The following ATP2B2 variants were observed in gnomAD, a reference collection of about 807,000 sequenced individuals.
The protein encoded by ATP2B2 is ATPase plasma membrane Ca2+ transporting 2, also known as plasma membrane calcium-transporting ATPase 2.
In ATP2B2, 15 loss-of-function variants were observed where a neutral mutation model predicts 120.0. The ratio of observed to expected loss-of-function variants is 0.12; its 90% confidence interval spans 0.08 to 0.19. The LOEUF is 0.19. ATP2B2 is among the 10% of genes least tolerant of loss of function. ATP2B2 has a pLI of 1.00. For synonymous variants in ATP2B2, 694 were observed against 700.3 expected (o/e 0.99, Z 0.14); for missense variants, 1,045 against 1,719.8 (o/e 0.61, Z 6.94).
chr3:10,702,069 T>G (rs532661747), intron 1 of ATP2B2, among the ~76,000 whole-genome samples: 1 of 152,282 alleles, frequency 6.6e-6, no homozygotes, highest in African/African-American at 2.4e-5. Context: ...AGGAAGTAGC[T>G]GATAGCAACA....
intron 2 of ATP2B2, among the ~76,000 whole-genome samples, chr3:10,593,180 A>G (rs1244757165): frequency 6.6e-6 from 1 of 152,252 alleles, no homozygotes; most frequent in East Asian, 1.9e-4. Flanking sequence ...TTTTAAAAGA[A>G]AATGAAAGGG....
At chr3:10,578,991 T>G (rs919651457) in intron 2 of ATP2B2, among the ~76,000 whole-genome samples, 2 of 152,178 alleles carry the variant, frequency 1.3e-5, no homozygotes, top group East Asian at 3.9e-4. Context: ...TGGTCATGCA[T>G]GTAGAAACAG....
intron 11 of ATP2B2, among the ~76,000 whole-genome samples, chr3:10,373,590 A>G (rs1202138461): frequency 6.6e-6 from 1 of 152,256 alleles, no homozygotes; most frequent in South Asian, 2.1e-4. Context: ...TATAATTTTT[A>G]TAGTGATCAC....
chr3:10,484,099 G>T (rs1304989791), intron 1 of ATP2B2, among the ~76,000 whole-genome samples: 1 of 152,202 alleles, frequency 6.6e-6, no homozygotes, highest in Admixed American at 6.5e-5. Flanking sequence ...CAGCATTGGC[G>T]GGGTGCTGTC....
At chr3:10,629,848 G>A (rs1011310550) in intron 1 of ATP2B2, among the ~76,000 whole-genome samples, 3 of 152,330 alleles carry the variant, frequency 2.0e-5, no homozygotes, top group Non-Finnish European at 2.9e-5. Flanking sequence ...GCCAAGCAAC[G>A]CAAAAGCAGA....
At chr3:10,585,853 T>C (rs1313782691) in intron 2 of ATP2B2, among the ~76,000 whole-genome samples, 3 of 152,194 alleles carry the variant, frequency 2.0e-5, no homozygotes, top group African/African-American at 7.2e-5. Flanking sequence ...AACTAACTTC[T>C]CTATTTGCTT....
At chr3:10,467,413 A>C in intron 1 of ATP2B2, among the ~76,000 whole-genome samples, 1 of 150,990 alleles carries the variant, frequency 6.6e-6, no homozygotes, top group Non-Finnish European at 1.5e-5. Context: ...TGCTAACCCC[A>C]CTCTCCGGGC....
rs1213285047 is a variant in ATP2B2 at position 10,654,576 on chromosome 3, G to A, written c.-459-34615C>T. 3.9e-5 allele frequency among the ~76,000 whole-genome samples: 6 copies of A among 152,124 alleles called. No individual in the cohort carries two copies. In the East Asian group the frequency reaches 1.2e-3, roughly 29 times the overall value. On this transcript the variant is annotated intron_variant, in intron 1 of 21. Coordinates refer to the ATP2B2 transcript ENST00000646379. ...GGGGACCTCCCAGGAAGATGTGGAA[G>A]AGGGGATTCCAAAAAGCTAAGAAAG...
At chr3:10,454,558 G>C (rs2064185081) in intron 1 of ATP2B2, among the ~76,000 whole-genome samples, 1 of 152,068 alleles carries the variant, frequency 6.6e-6, no homozygotes, top group South Asian at 2.1e-4. Flanking sequence ...TCATCTCATG[G>C]GTGCAAACAT....
At chr3:10,370,835 T>C (rs573050086) in intron 12 of ATP2B2, among the ~76,000 whole-genome samples, 4 of 152,254 alleles carry the variant, frequency 2.6e-5, no homozygotes, top group African/African-American at 9.6e-5. Context: ...ACGTTCTACA[T>C]CTGGGAGCTG....
At chr3:10,615,923 T>C (rs2069373531) in intron 2 of ATP2B2, among the ~76,000 whole-genome samples, 1 of 152,074 alleles carries the variant, frequency 6.6e-6, no homozygotes, top group Admixed American at 6.5e-5. Context: ...TCAGCTGGGA[T>C]GGTTGTACTG....
At position 10,585,801 on chromosome 3, in the gene ATP2B2, C is replaced by T. The variant is rs141414493; in HGVS notation, c.-415+34116G>A. Among the ~76,000 whole-genome samples, 34 of 152,260 alleles carry T rather than the reference C, an allele frequency of 2.2e-4. No individual in the cohort carries two copies. The South Asian group carries it at 3.3e-3, about 15-fold the overall frequency. ...CCTCCCTCCCTAATGCTTTTCCCCTCGTCATTTTCCATCACATCACACTGT... is the reference window on the plus strand; with the variant it reads ...CCTCCCTCCCTAATGCTTTTCCCCTTGTCATTTTCCATCACATCACACTGT... On this transcript the variant is annotated intron_variant, in intron 2 of 21. Transcript: ENST00000646379.
chr3:10,562,325 G>C (rs1463177695), intron 2 of ATP2B2, among the ~76,000 whole-genome samples: 2 of 152,214 alleles, frequency 1.3e-5, no homozygotes, highest in African/African-American at 4.8e-5. Flanking sequence ...ACAGTGAGTA[G>C]CTTGGTGTGG....
rs2062240377 is a variant in ATP2B2, at chr3:10,402,065, C to T, written c.655+26G>A. 2 of 1,612,144 alleles carry T rather than the reference C, an allele frequency of 1.2e-6. No individual in the cohort carries two copies. Among genetic ancestry groups the T allele is most frequent in the South Asian group, 1.1e-5 (1 of 91,086 alleles). On this transcript the variant is annotated intron_variant, in intron 4 of 22. Transcript: ENST00000360273. The surrounding 1 kb of genome is among the most constrained non-coding windows in gnomAD (Gnocchi z 4.9). ...CCTCTGCCGGAATCCAGCTTTAGAA[C>T]CTGGCTCTGTGGCTGGGACACTTAC...
chr3:10,596,070 T>C (rs1452760933), intron 2 of ATP2B2, among the ~76,000 whole-genome samples: 1 of 152,126 alleles, frequency 6.6e-6, no homozygotes, highest in Admixed American at 6.5e-5. Flanking sequence ...AAAGGTCCCC[T>C]CTGCAGAGAG....
rs2060850636 is a variant in ATP2B2, at chr3:10,359,986, C to T, written c.1797G>A (p.Val599=). The part of the protein sequence containing the change: ...SQMPEEKLYK[V]YTFNSVRKSM... ...ACTTGCGCACGGAGTTGAAGGTGTA[C>T]ACTTTGTACAACTTCTCCTCTGGCA... is the stretch of plus-strand genomic sequence containing the variant. Residue 599 remains valine (V), a synonymous_variant, in exon 13 of 23, where the codon GTG becomes GTA. Transcript: ENST00000360273. The T allele has an allele frequency of 6.2e-7, 1 of 1,614,228 alleles. No individual in the cohort carries two copies. The highest frequency in any genetic ancestry group is 8.5e-7 in the Non-Finnish European group (1 of 1,180,024).
At chr3:10,500,577 T>C (rs1206829360) in intron 1 of ATP2B2, among the ~76,000 whole-genome samples, 1 of 142,026 alleles carries the variant, frequency 7.0e-6, no homozygotes, top group Non-Finnish European at 1.5e-5. Flanking sequence ...AGGAGTGAGG[T>C]GAAGATGAAA....
chr3:10,386,016 A>G (rs2061666780), intron 7 of ATP2B2, among the ~76,000 whole-genome samples: 1 of 152,250 alleles, frequency 6.6e-6, no homozygotes, highest in Non-Finnish European at 1.5e-5. Context: ...TAAAAGTGAT[A>G]TGAGATGGCT....
chr3:10,518,422 A>G (rs2066917641), intron 3 of ATP2B2, among the ~76,000 whole-genome samples: 1 of 152,132 alleles, frequency 6.6e-6, no homozygotes, highest in Non-Finnish European at 1.5e-5. Flanking sequence ...TGGACTACAG[A>G]AGGATTTCTC....
Sources: allele counts gnomAD v4.1 joint callset (sites outside exome capture counted in the v4.1 genomes callset), GRCh38; gene constraint gnomAD v4.1.1; non-coding constraint Gnocchi (gnomAD v3.1); transcripts MANE v1.5; gene names NCBI Gene and HGNC (gene_info 2026-07-23, HGNC 2026-07-21).